Variants in TRIM66 observed in about 807,000 individuals in gnomAD.
The protein encoded by TRIM66 is tripartite motif-containing protein 66.
A neutral mutation model predicts 148.2 loss-of-function variants in TRIM66; 99 were observed. That is an observed-to-expected ratio of 0.67 (90% CI 0.57 to 0.79). TRIM66 has a LOEUF of 0.79. Ranked by LOEUF, TRIM66 falls within the 30% of genes least tolerant of loss-of-function variation. TRIM66 has a pLI of 0.00. For missense variants in TRIM66, 1,666 were observed against 1,697.9 expected (o/e 0.98, Z 0.33); for synonymous variants, 616 against 635.9 (o/e 0.97, Z 0.47).
At chr11:8,635,889 C>G (rs2035837634) in intron 15 of TRIM66, among the ~76,000 whole-genome samples, 2 of 152,178 alleles carry the variant, frequency 1.3e-5, no homozygotes, top group South Asian at 4.1e-4. Flanking sequence ...TGTATAGGAA[C>G]AGAACTGAAC....
chr11:8,682,783 A>T, upstream of TRIM66: 1 of 1,613,496 alleles, frequency 6.2e-7, no homozygotes, highest in Non-Finnish European at 8.5e-7. Flanking sequence ...AGACTTGGCG[A>T]AGGCCTTCCT....
At chr11:8,682,844 T>TC (rs1467132412), upstream of TRIM66, 1 of 1,608,110 alleles carries the variant, frequency 6.2e-7, no homozygotes, top group Non-Finnish European at 8.5e-7. Flanking sequence ...TGCCTCCTCT[T>TC]CCTTGCCGGC....
intron 6 of TRIM66, among the ~76,000 whole-genome samples, chr11:8,654,278 A>T (rs923129057): frequency 7.9e-5 from 12 of 152,072 alleles, no homozygotes; most frequent in Non-Finnish European, 1.8e-4. Context: ...CTAACATACA[A>T]CCTGTGTTTT....
chr11:8,671,304 C>A (rs527698033), intron 6 of TRIM66, among the ~76,000 whole-genome samples: 1 of 152,316 alleles, frequency 6.6e-6, no homozygotes, highest in South Asian at 2.1e-4. Flanking sequence ...TGCACAGTTC[C>A]CAGTGAGACC....
intron 3 of TRIM66, among the ~76,000 whole-genome samples, chr11:8,676,228 A>T (rs889879985): frequency 4.6e-5 from 7 of 152,150 alleles, no homozygotes; most frequent in Non-Finnish European, 1.0e-4. Flanking sequence ...TTCTTAAGGT[A>T]AACTTCTTTT....
At chr11:8,648,685 G>C (rs2037081557) in intron 8 of TRIM66, 137 bp from the exon 9 acceptor site, 2 of 1,100,514 alleles carry the variant, frequency 1.8e-6, no homozygotes, top group African/African-American at 3.2e-5. Flanking sequence ...ATAAACAGGA[G>C]ATGACTCTCC....
At position 8,622,952 on chromosome 11, in the gene TRIM66, T is replaced by C. The variant is rs192888546; in HGVS notation, c.3020-76A>G. 1.9e-3 allele frequency: 2,352 copies of C among 1,258,090 alleles called. 19 individuals are homozygous for C. Among genetic ancestry groups the C allele is most frequent in the South Asian group, 9.5e-3 (745 of 78,110 alleles). The allele number at this position is 1,258,090 out of a possible 1,614,324, so 77.9% of individuals were successfully genotyped here. A position where few individuals can be genotyped will look rare whatever the true frequency, so the allele number is the denominator to read the frequency against. On this transcript the variant is annotated intron_variant, in intron 17 of 24. Coordinates refer to ENST00000646038, the MANE Select transcript of TRIM66 (RefSeq NM_001388022.1). ...CCCCGTCATGCATATCTTCTACTTA[T>C]ATCTGCTATTCATACCTTTGGCCAC...
chr11:8,627,343 T>C (rs960747690), intron 15 of TRIM66, among the ~76,000 whole-genome samples: 5 of 152,262 alleles, frequency 3.3e-5, no homozygotes, highest in African/African-American at 9.6e-5. Flanking sequence ...CAACTTAGTC[T>C]ATGAGTCTCT....
intron 15 of TRIM66, among the ~76,000 whole-genome samples, chr11:8,625,958 C>A (rs2034806775): frequency 6.6e-6 from 1 of 152,196 alleles, no homozygotes; most frequent in African/African-American, 2.4e-5. Flanking sequence ...ATATTCCAAA[C>A]CAGAGGCAGA....
intron 6 of TRIM66, among the ~76,000 whole-genome samples, chr11:8,653,751 C>A (rs1225911839): frequency 6.6e-6 from 1 of 150,436 alleles, no homozygotes. Context: ...TCCACAAAAT[C>A]ATGAAAAATA....
In TRIM66 at chr11:8,624,945, T is replaced by C. The variant is rs370091773; in HGVS notation, c.2594A>G (p.Asp865Gly). ...TFQSMPNLISDSPQAMASLAS... is the reference protein window; with the variant it reads ...TFQSMPNLISGSPQAMASLAS... ...CAGGCTTGCCATAGCCTGAGGGGAGTCACTTATCAGGTTGGGCATGGACTG... is the reference window on the plus strand; with the variant it reads ...CAGGCTTGCCATAGCCTGAGGGGAGCCACTTATCAGGTTGGGCATGGACTG... Residue 865 changes from aspartate (D) to glycine (G), a missense_variant, in exon 16 of 25, where the codon GAC becomes GGC. By Grantham distance (94) the Asp-to-Gly change is moderately conservative. Around this residue, in one of 3 missense-constraint regions of TRIM66, gnomAD observed 1,431 missense variants for 1,412.4 expected, o/e 1.01. Transcript: ENST00000646038. The C allele has an allele frequency of 1.1e-4, 172 of 1,551,058 alleles. No homozygotes were observed. The highest frequency in any genetic ancestry group is 1.4e-4 in the Non-Finnish European group (166 of 1,146,856).
At chr11:8,678,241 A>T (rs1222247136) in intron 3 of TRIM66, 1 of 152,184 alleles carries the variant, frequency 6.6e-6, no homozygotes, top group Admixed American at 6.5e-5. Context: ...CTCTAACAGC[A>T]AAGAATACAA....
In TRIM66 at chr11:8,638,769, G is replaced by A; in HGVS notation, c.2195C>T (p.Pro732Leu). Residue 732 changes from proline to leucine, a missense_variant, in exon 15 of 25, where the codon CCT (proline) becomes CTT (leucine). Around this residue, in one of 3 missense-constraint regions of TRIM66, gnomAD observed 1,431 missense variants for 1,412.4 expected, o/e 1.01. Coordinates refer to ENST00000646038, the MANE Select transcript of TRIM66 (RefSeq NM_001388022.1). Reference protein sequence around the residue: ...PASQGSKPALPLDKNTAAALP... With the variant: ...PASQGSKPALLLDKNTAAALP... ...GGCAGCAGCAGTATTCTTGTCAAGAGGGAGAGCCGGCTTTGAGCCCTGAGA... is the reference window on the plus strand; with the variant it reads ...GGCAGCAGCAGTATTCTTGTCAAGAAGGAGAGCCGGCTTTGAGCCCTGAGA... 6.4e-7 allele frequency: 1 copy of A among 1,551,316 alleles called. No homozygotes were observed. Among genetic ancestry groups the A allele is most frequent in the Non-Finnish European group, 8.7e-7 (1 of 1,146,828 alleles).
intron 22 of TRIM66, 145 bp from the exon 23 acceptor site, chr11:8,619,680 A>C: frequency 1.1e-6 from 1 of 889,438 alleles, no homozygotes. Context: ...AGCAGGAAGA[A>C]AAGGATGGAG....
intron 12 of TRIM66, 161 bp downstream of exon 12, chr11:8,645,580 G>A (rs1372331966): frequency 2.4e-6 from 2 of 839,238 alleles, no homozygotes; most frequent in Non-Finnish European, 3.6e-6. Flanking sequence ...TAACCCAAAA[G>A]CAGTGATTGA....
At position 8,640,928 on chromosome 11, in the gene TRIM66, G is replaced by T. The variant is rs1298224975; in HGVS notation, c.1447C>A (p.Pro483Thr). Reference protein sequence around the residue: ...VSPSLKGQVPPPSIHPAHSFR... With the variant: ...VSPSLKGQVPTPSIHPAHSFR... ...CTGTGGGCTGGGTGTATGCTGGGTG[G>T]GGGGACCTGGCCTTTGAGGGAAGGC... Residue 483 changes from proline (P) to threonine (T), a missense_variant, in exon 14 of 25, where the codon CCA becomes ACA. Physicochemically the swap from Pro to Thr is conservative, Grantham distance 38 (BLOSUM62 -1). Around this residue, in one of 3 missense-constraint regions of TRIM66, gnomAD observed 1,431 missense variants for 1,412.4 expected, o/e 1.01. Transcript: ENST00000646038. The T allele has an allele frequency of 2.6e-6, 4 of 1,551,000 alleles. No individual in the cohort carries two copies. Among genetic ancestry groups the T allele is most frequent in the Non-Finnish European group, 3.5e-6 (4 of 1,146,980 alleles).
At chr11:8,658,371 G>A (rs888493013) in intron 6 of TRIM66, among the ~76,000 whole-genome samples, 6 of 152,250 alleles carry the variant, frequency 3.9e-5, no homozygotes, top group Admixed American at 6.5e-5. Context: ...TAGCTCTGTC[G>A]CCCTCTGCAC....
rs578036474 is a variant in TRIM66 at position 8,614,117 on chromosome 11, T to C, written c.*3827A>G. On this transcript the variant is annotated 3_prime_UTR_variant, in exon 25 of 25. Coordinates refer to ENST00000646038, the MANE Select transcript of TRIM66 (RefSeq NM_001388022.1). Reference sequence around the variant, plus strand: ...CTTTGGGAGGCCAAGGGAAGCAGACTGCTTGAGCCCAGGAGTGTTGATACC... The same window carrying C: ...CTTTGGGAGGCCAAGGGAAGCAGACCGCTTGAGCCCAGGAGTGTTGATACC... 1 of 152,466 alleles carries C rather than the reference T, an allele frequency of 6.6e-6. No individual in the cohort carries two copies. The highest frequency in any genetic ancestry group is 1.9e-4 in the East Asian group (1 of 5,188). The allele number at this position is 152,466 out of a possible 1,614,324, so 9.4% of individuals were successfully genotyped here.
intron 6 of TRIM66, among the ~76,000 whole-genome samples, chr11:8,656,841 GCTGTGATGTAGCTCCCCT>G: frequency 6.6e-6 from 1 of 152,308 alleles, no homozygotes; most frequent in East Asian, 1.9e-4. Flanking sequence ...TCTGAATTCA[GCTGTGATGTAGCTCCCCT>G]CTGGCAGAGA....
Sources: gnomAD v4.1 joint callset for allele counts (sites outside exome capture counted in the v4.1 genomes callset) on GRCh38, gnomAD v4.1.1 for gene constraint, gnomAD v4.1.1 regional missense constraint, MANE v1.5 for transcripts, NCBI Gene and HGNC (gene_info 2026-07-23, HGNC 2026-07-21) for gene names.